MED26: variants seen among roughly 807,000 people sequenced by gnomAD.
MED26 encodes mediator of RNA polymerase II transcription subunit 26.
In MED26, 7 loss-of-function variants were observed where a neutral mutation model predicts 43.7. That is an observed-to-expected ratio of 0.16 (90% CI 0.09 to 0.30). The LOEUF (loss-of-function observed/expected upper bound fraction) is 0.30. MED26 is among the 10% of genes least tolerant of loss of function. MED26 has a pLI of 1.00. For missense variants in MED26, 784 were observed against 840.6 expected (o/e 0.93, Z 0.83); for synonymous variants, 375 against 371.1 (o/e 1.01, Z -0.12).
rs2086078608 is a variant in MED26 at position 16,587,926 on chromosome 19, C to G, written c.73-9517G>C. ...TGCCTGACTTCTGCAGCGAGGGAAACTTGCAGATGAAGCCAGGAGGCAGGC... is the reference window on the plus strand; with the variant it reads ...TGCCTGACTTCTGCAGCGAGGGAAAGTTGCAGATGAAGCCAGGAGGCAGGC... On this transcript the variant is annotated intron_variant, in intron 1 of 2. Transcript: ENST00000263390. This position sits in a 1 kb window ranked among gnomAD's most constrained non-coding sequence, Gnocchi z 4.9. 1 of 152,264 alleles carries G rather than the reference C, an allele frequency of 6.6e-6. No homozygotes were observed. The allele number at this position is 152,264 out of a possible 1,614,324, so 9.4% of individuals were successfully genotyped here. A position where few individuals can be genotyped will look rare whatever the true frequency, so the allele number is the denominator to read the frequency against.
At position 16,576,173 on chromosome 19, in the gene MED26, C is replaced by G. The variant is rs754759101; in HGVS notation, c.1657G>C (p.Asp553His). 1 of 1,613,448 alleles carries G rather than the reference C, an allele frequency of 6.2e-7. No individual in the cohort carries two copies. The highest frequency in any genetic ancestry group is 1.7e-5 in the Admixed American group (1 of 60,026). ...GGCCACTGGCTGGCCTGGATTCTGT[C>G]GAGATCGTCCTGTGTGACCTCCCGG... ...LTREVTQDDL[D>H]RIQASQWPGV... The change falls in exon 3 of 3, where the codon GAC (aspartate) becomes CAC (histidine). Residue 553 changes from aspartate (D) to histidine (H), a missense_variant. Coordinates refer to ENST00000263390, the MANE Select transcript of MED26 (RefSeq NM_004831.5). This position sits in a 1 kb window ranked among gnomAD's most constrained non-coding sequence, Gnocchi z 6.8.
At chr19:16,584,529 T>C (rs2086062205) in intron 1 of MED26, among the ~76,000 whole-genome samples, 1 of 152,122 alleles carries the variant, frequency 6.6e-6, no homozygotes, top group Admixed American at 6.5e-5. Context: ...AGAAGCAGCC[T>C]GGGTCAGGCG....
At chr19:16,613,104 AG>A (rs1427370151) in intron 1 of MED26, among the ~76,000 whole-genome samples, 25 of 152,330 alleles carry the variant, frequency 1.6e-4, no homozygotes, top group African/African-American at 5.5e-4. Flanking sequence ...CACTTTATAG[AG>A]AGTATTAATA....
At chr19:16,610,248 T>G (rs1318952151) in intron 1 of MED26, 1 of 151,950 alleles carries the variant, frequency 6.6e-6, no homozygotes, top group African/African-American at 2.4e-5. Context: ...CAAGTAAAGT[T>G]TTTAGAGCAA....
chr19:16,617,969 A>G (rs1350101971), intron 1 of MED26, among the ~76,000 whole-genome samples: 1 of 152,174 alleles, frequency 6.6e-6, no homozygotes, highest in Admixed American at 6.5e-5. Context: ...GCTTACTGAG[A>G]GCCCCCCCAG....
chr19:16,627,466 G>A (rs1439448957), intron 1 of MED26, among the ~76,000 whole-genome samples: 1 of 152,216 alleles, frequency 6.6e-6, no homozygotes, highest in Non-Finnish European at 1.5e-5. Context: ...GTCATACCCC[G>A]GACACCAGTT....
intron 1 of MED26, among the ~76,000 whole-genome samples, chr19:16,625,088 C>T (rs2086268228): frequency 6.6e-6 from 1 of 152,212 alleles, no homozygotes; most frequent in Non-Finnish European, 1.5e-5. Context: ...CATGCACACA[C>T]TGCGCTTCGG....
At chr19:16,615,339 G>A (rs1211581694) in intron 1 of MED26, among the ~76,000 whole-genome samples, 1 of 152,140 alleles carries the variant, frequency 6.6e-6, no homozygotes, top group African/African-American at 2.4e-5. Flanking sequence ...CAGAGCCTGG[G>A]GCACAATGTG....
chr19:16,609,688 GA>G lies in MED26; in HGVS notation c.72+18183del, dbSNP rs2086190821. Among the ~76,000 whole-genome samples the G allele has an allele frequency of 5.9e-5, 9 of 152,046 alleles. No individual in the cohort carries two copies. In the South Asian group the frequency reaches 1.9e-3, roughly 32 times the overall value. On this transcript the variant is annotated intron_variant, in intron 1 of 2. Transcript: ENST00000263390. Reference sequence around the variant, plus strand: ...GAAGTGCTTGAAATAGAGTCTGAATGAAACTAAAGTCCATTTGCATTATTGT... The same window carrying G: ...GAAGTGCTTGAAATAGAGTCTGAATGAACTAAAGTCCATTTGCATTATTGT...
intron 1 of MED26, among the ~76,000 whole-genome samples, chr19:16,603,922 C>T (rs910885719): frequency 6.6e-6 from 1 of 152,164 alleles, no homozygotes; most frequent in Non-Finnish European, 1.5e-5. Context: ...CAAGGGGCAC[C>T]CACAGAAGAC....
Position 16,586,189 on chromosome 19 carries a change from C to T in MED26, c.73-7780G>A, listed in dbSNP as rs559441546. ...GGTGCTGAGCCTGGGCAGGCCCAAC[C>T]GGGCACAACTCGCACAGGACCATCA... On this transcript the variant is annotated intron_variant, in intron 1 of 2. Coordinates refer to ENST00000263390, the MANE Select transcript of MED26 (RefSeq NM_004831.5). This position sits in a 1 kb window ranked among gnomAD's most constrained non-coding sequence, Gnocchi z 5.1. 1.6e-4 allele frequency among the ~76,000 whole-genome samples: 24 copies of T among 152,386 alleles called. No homozygotes were observed. Among genetic ancestry groups the T allele is most frequent in the East Asian group, 1.5e-3 (8 of 5,188 alleles).
At chr19:16,595,935 A>C (rs1229757953) in intron 1 of MED26, among the ~76,000 whole-genome samples, 1 of 152,170 alleles carries the variant, frequency 6.6e-6, no homozygotes, top group African/African-American at 2.4e-5. Context: ...TTTCCTTAGG[A>C]ATCAATTCCC....
intron 1 of MED26, among the ~76,000 whole-genome samples, chr19:16,607,418 C>G (rs1411009263): frequency 6.6e-6 from 1 of 151,594 alleles, no homozygotes; most frequent in Non-Finnish European, 1.5e-5. Context: ...TATTGTGTGC[C>G]TCGTGCCTTC....
At chr19:16,606,125 T>C (rs1027730650) in intron 1 of MED26, among the ~76,000 whole-genome samples, 12 of 152,146 alleles carry the variant, frequency 7.9e-5, no homozygotes, top group Non-Finnish European at 1.5e-5. Context: ...TCCACACGCC[T>C]GGGCCCACGG....
At chr19:16,598,928 C>A (rs1412699649) in intron 1 of MED26, among the ~76,000 whole-genome samples, 2 of 151,650 alleles carry the variant, frequency 1.3e-5, no homozygotes, top group Non-Finnish European at 1.5e-5. Flanking sequence ...ATAAAAAAAA[C>A]ACAGTACACA....
intron 1 of MED26, among the ~76,000 whole-genome samples, chr19:16,596,361 C>A (rs2086120003): frequency 6.6e-6 from 1 of 152,216 alleles, no homozygotes; most frequent in African/African-American, 2.4e-5. Flanking sequence ...GGCAGTGTGT[C>A]TCCAAACGTG....
In MED26 at chr19:16,620,128, G is replaced by A. The variant is rs1467098519; in HGVS notation, c.72+7744C>T. ...TTCAGCCAGTTCCAGAGAAAGCACA[G>A]AGCATTTTAGTGACCACTGTCCTCC... On this transcript the variant is annotated intron_variant, in intron 1 of 2. Transcript: ENST00000263390. Among the ~76,000 whole-genome samples the A allele has an allele frequency of 2.0e-5, 3 of 152,180 alleles. No individual in the cohort carries two copies. The South Asian group carries it at 6.2e-4, about 32-fold the overall frequency.
intron 1 of MED26, among the ~76,000 whole-genome samples, chr19:16,627,525 G>C (rs1392748290): frequency 6.6e-6 from 1 of 152,260 alleles, no homozygotes; most frequent in African/African-American, 2.4e-5. Context: ...GGGCTTCCCG[G>C]GGGTCTCGGG....
At chr19:16,589,886 C>T (rs1333076420) in intron 1 of MED26, among the ~76,000 whole-genome samples, 1 of 152,206 alleles carries the variant, frequency 6.6e-6, no homozygotes, top group East Asian at 1.9e-4. Flanking sequence ...GAGGTGTTGG[C>T]AAAGCAGCCC....
Sources: allele counts gnomAD v4.1 joint callset (sites outside exome capture counted in the v4.1 genomes callset), GRCh38; gene constraint gnomAD v4.1.1; non-coding constraint Gnocchi (gnomAD v3.1); transcripts MANE v1.5; gene names NCBI Gene and HGNC (gene_info 2026-07-23, HGNC 2026-07-21).